Variants in FAT2 observed in about 807,000 individuals in gnomAD.
FAT2 encodes the protein protocadherin Fat 2.
Under a neutral mutation model 295.3 loss-of-function variants are expected in FAT2, and 150 were observed. The observed-to-expected ratio is 0.51, with a 90% CI of 0.44 to 0.58. The LOEUF (loss-of-function observed/expected upper bound fraction) is 0.58, where lower values mean the gene tolerates loss of function less well. FAT2 is among the 20% of genes least tolerant of loss of function. The pLI is 0.00. For synonymous variants in FAT2, 2,026 were observed against 2,150.3 expected, an observed-to-expected ratio of 0.94 and a Z score of 1.60; for missense variants, 4,868 against 5,442.7, an observed-to-expected ratio of 0.89 and a Z score of 3.32.
At chr5:151,590,324 C>A (rs2127666568) in intron 1 of FAT2, among the ~76,000 whole-genome samples, 1 of 152,354 alleles carries the variant, frequency 6.6e-6, no homozygotes, top group Middle Eastern at 3.4e-3. Context: ...GGCAGCATTT[C>A]TGAGCCCTTG....
At chr5:151,532,111 G>A (rs879517022) in intron 13 of FAT2, 141 bp from the exon 14 acceptor site, 132 of 1,107,792 alleles carry the variant, frequency 1.2e-4, no homozygotes, top group Non-Finnish European at 1.5e-4. Flanking sequence ...TGAAGAGTGA[G>A]GGTCTCTCCA....
In FAT2 at chr5:151,528,060, C is replaced by T; in HGVS notation, c.10100G>A (p.Gly3367Glu). The change falls in exon 16 of 24, where the codon GGG becomes GAG. Residue 3367 changes from glycine to glutamate, a missense_variant. By Grantham distance (98) the Gly-to-Glu change is moderately conservative. Around this residue, in one of 5 missense-constraint regions of FAT2, gnomAD observed 1,046 missense variants for 1,210.1 expected, o/e 0.86. Transcript: ENST00000261800. Reference protein sequence around the residue: ...TYSLIGGNQLGHFTIHPKKGE... With the variant: ...TYSLIGGNQLEHFTIHPKKGE... ...CTTTTTGGGGTGAATGGTGAAGTGC[C>T]CAAGCTGGTTCCCTCCTATGAGGCT... 6.2e-7 allele frequency: 1 copy of T among 1,614,188 alleles called. No homozygotes were observed. The highest frequency in any genetic ancestry group is 2.2e-5 in the East Asian group (1 of 44,890).
At chr5:151,516,089 C>T (rs1752838086) in intron 20 of FAT2, among the ~76,000 whole-genome samples, 1 of 152,212 alleles carries the variant, frequency 6.6e-6, no homozygotes, top group Non-Finnish European at 1.5e-5. Context: ...TTTCACATTG[C>T]TATTCCCTCT....
chr5:151,537,597 A>C (rs1238888387), intron 12 of FAT2, among the ~76,000 whole-genome samples, 196 bp downstream of exon 12: 1 of 152,230 alleles, frequency 6.6e-6, no homozygotes, highest in Non-Finnish European at 1.5e-5. Context: ...TTCCCACTAG[A>C]TTATAAAGGC....
At chr5:151,515,482 G>A (rs1198606895) in intron 20 of FAT2, among the ~76,000 whole-genome samples, 2 of 152,100 alleles carry the variant, frequency 1.3e-5, no homozygotes, top group Non-Finnish European at 2.9e-5. Context: ...CCACTTGGAG[G>A]TCTAATGGGC....
intron 4 of FAT2, 98 bp from the exon 5 acceptor site, chr5:151,554,771 A>G (rs1460502859): frequency 9.5e-6 from 9 of 943,382 alleles, no homozygotes; most frequent in South Asian, 1.6e-5. Context: ...GTTCTTTGGT[A>G]TGAGCTTGTA....
chr5:151,507,047 T>C (rs1760941398), intron 23 of FAT2, 107 bp downstream of exon 23: 12 of 947,524 alleles, frequency 1.3e-5, no homozygotes, highest in South Asian at 3.3e-5. Flanking sequence ...TCCCAAAGGG[T>C]TGGATGCGTG....
At chr5:151,541,361 A>G (rs1233330622) in intron 10 of FAT2, among the ~76,000 whole-genome samples, 2 of 152,222 alleles carry the variant, frequency 1.3e-5, no homozygotes, top group South Asian at 2.1e-4. Context: ...TTATTACTCT[A>G]TTATCCTGAG....
intron 19 of FAT2, among the ~76,000 whole-genome samples, chr5:151,521,020 T>C (rs1753399395): frequency 6.6e-6 from 1 of 152,250 alleles, no homozygotes; most frequent in South Asian, 2.1e-4. Flanking sequence ...CAGCCTATGC[T>C]CTTAGCCATG....
chr5:151,549,593 A>G, intron 8 of FAT2, 88 bp from the exon 9 acceptor site: 2 of 1,035,856 alleles, frequency 1.9e-6, no homozygotes, highest in Non-Finnish European at 1.5e-6. Flanking sequence ...TAGAATGCCA[A>G]TTTAAAATAT....
chr5:151,527,975 C>T (rs374788177), intron 16 of FAT2, 21 bp downstream of exon 16: 53 of 1,612,112 alleles, frequency 3.3e-5, no homozygotes, highest in African/African-American at 1.9e-4. Context: ...GCTCAGGGTG[C>T]GCCCCTCCCA....
chr5:151,533,400 AC>A (rs1754884745), intron 13 of FAT2, among the ~76,000 whole-genome samples: 1 of 124,066 alleles, frequency 8.1e-6, no homozygotes, highest in Admixed American at 7.5e-5. Flanking sequence ...TCCAACACAC[AC>A]ACACACACAC....
intron 1 of FAT2, among the ~76,000 whole-genome samples, chr5:151,582,222 G>A (rs969324346): frequency 1.3e-5 from 2 of 152,214 alleles, no homozygotes; most frequent in Non-Finnish European, 2.9e-5. Context: ...CTCTGCCGGT[G>A]GGCTGCAGGC....
chr5:151,549,489 A>G lies in FAT2; in HGVS notation c.4595T>C (p.Ile1532Thr), dbSNP rs1482803553. 1 of 1,614,022 alleles carries G rather than the reference A, an allele frequency of 6.2e-7. No individual in the cohort carries two copies. Among genetic ancestry groups the G allele is most frequent in the African/African-American group, 1.3e-5 (1 of 74,916 alleles). Residue 1532 changes from isoleucine to threonine, a missense_variant, in exon 9 of 24, where the codon ATA becomes ACA. By Grantham distance (89) the Ile-to-Thr change is moderately conservative (BLOSUM62 -1). Coordinates refer to ENST00000261800, the MANE Select transcript of FAT2 (RefSeq NM_001447.3). The part of the protein sequence containing the change: ...TLTVMVRDQE[I>T]PIKRNFVWVT... ...CCACACGAAGTTCCTCTTGATAGGT[A>G]TTTCCTGGTCTCGGACCTATGGGCC...
rs1447216126 is a variant in FAT2, at chr5:151,542,975, C to T, written c.8152G>A (p.Ala2718Thr). Residue 2718 changes from alanine (A) to threonine (T), a missense_variant, in exon 10 of 24, where the codon GCT (alanine) becomes ACT (threonine). By Grantham distance (58) the Ala-to-Thr change is moderately conservative. This residue lies in a region of FAT2 where 3,297 missense variants were observed against 3,669.4 expected (regional missense o/e 0.90). Transcript: ENST00000261800. ...AGACTGTAGATGACTGGATCTTGAG[C>T]TGCCACTGCTTTAACAATCCCAATT... ...SEIGIVKAVA[A>T]QDPVIYSLVR... The T allele has an allele frequency of 6.2e-7, 1 of 1,614,088 alleles. No individual in the cohort carries two copies. The highest frequency in any genetic ancestry group is 8.5e-7 in the Non-Finnish European group (1 of 1,180,038).
chr5:151,556,257 T>C, intron 4 of FAT2, 87 bp downstream of exon 4: 1 of 1,129,498 alleles, frequency 8.9e-7, no homozygotes, highest in East Asian at 2.3e-5. Context: ...CAGACCCTCC[T>C]CAGCCACAGT....
Position 151,542,885 on chromosome 5 carries a change from C to G in FAT2, c.8242G>C (p.Val2748Leu). The change falls in exon 10 of 24, where the codon GTC (valine) becomes CTC (leucine). Residue 2748 changes from valine to leucine, a missense_variant. By Grantham distance (32) the Val-to-Leu change is conservative. Around this residue, in one of 5 missense-constraint regions of FAT2, gnomAD observed 3,297 missense variants for 3,669.4 expected, o/e 0.90. Transcript: ENST00000261800. The part of the protein sequence containing the change: ...GVFSLDPDTG[V>L]IKVRKPMDHE... ...TCCATGGGCTTCCTCACCTTTATGA[C>G]CCCTGTGTCTGGGTCTAGGGAGAAG... The G allele has an allele frequency of 6.2e-7, 1 of 1,614,202 alleles. No individual in the cohort carries two copies. The highest frequency in any genetic ancestry group is 8.5e-7 in the Non-Finnish European group (1 of 1,180,028).
chr5:151,594,275 C>T (rs1038860185), upstream of FAT2, among the ~76,000 whole-genome samples: 6 of 152,186 alleles, frequency 3.9e-5, no homozygotes, highest in Non-Finnish European at 7.3e-5. Flanking sequence ...CCTGTGTGAC[C>T]CTGGCCTGGC....
rs762440997 is a variant in FAT2, at chr5:151,566,833, G to A, written c.2099C>T (p.Thr700Ile). ...ATTAATCTGATATGTGCTTAAAGAAGTGAATTCCTCATCACTGGACTCCTG... is the reference window on the plus strand; with the variant it reads ...ATTAATCTGATATGTGCTTAAAGAAATGAATTCCTCATCACTGGACTCCTG... ...QNQESSDEEF[T>I]SLSTYQINHY... Residue 700 changes from threonine to isoleucine, a missense_variant, in exon 2 of 24, where the codon ACT (threonine) becomes ATT (isoleucine). By Grantham distance (89) the Thr-to-Ile change is moderately conservative (BLOSUM62 -1). This residue lies in a region of FAT2 where 3,297 missense variants were observed against 3,669.4 expected (regional missense o/e 0.90). Transcript: ENST00000261800. The A allele has an allele frequency of 1.2e-6, 2 of 1,614,192 alleles. No homozygotes were observed. Among genetic ancestry groups the A allele is most frequent in the South Asian group, 2.2e-5 (2 of 91,078 alleles).
Sources: gnomAD v4.1 joint callset for allele counts (sites outside exome capture counted in the v4.1 genomes callset) on GRCh38, gnomAD v4.1.1 for gene constraint, gnomAD v4.1.1 regional missense constraint, MANE v1.5 for transcripts, NCBI Gene and HGNC (gene_info 2026-07-23, HGNC 2026-07-21) for gene names.